Variants in RIT2 observed in about 807,000 individuals in gnomAD.
RIT2 encodes Ras like without CAAX 2.
A neutral mutation model predicts 23.7 loss-of-function variants in RIT2; 24 were observed. That is an observed-to-expected ratio of 1.01 (90% CI 0.73 to 1.43). RIT2 has a LOEUF of 1.43. Ranked by LOEUF, RIT2 falls within the 40% of genes most tolerant of loss-of-function variation. The pLI is 0.00. For missense variants in RIT2, 236 were observed against 266.9 expected (o/e 0.88, Z 0.81); for synonymous variants, 107 against 91.1 (o/e 1.17, Z -0.99).
intron 4 of RIT2, among the ~76,000 whole-genome samples, chr18:42,856,826 T>C (rs982527554): frequency 3.8e-5 from 5 of 132,146 alleles, no homozygotes; most frequent in Non-Finnish European, 7.6e-5. Flanking sequence ...TCTCTCTCTC[T>C]CTTTTTTTTT....
At chr18:42,744,261 CA>C (rs1912867521) in intron 4 of RIT2, among the ~76,000 whole-genome samples, 1 of 152,204 alleles carries the variant, frequency 6.6e-6, no homozygotes, top group African/African-American at 2.4e-5. Flanking sequence ...ATTGCTCACA[CA>C]AAGCCTGTTT....
intron 4 of RIT2, among the ~76,000 whole-genome samples, chr18:42,820,691 C>A (rs757230362): frequency 7.2e-5 from 11 of 152,146 alleles, no homozygotes; most frequent in Non-Finnish European, 1.3e-4. Flanking sequence ...CATTTCTTCT[C>A]TTTATCCTTT....
intron 1 of RIT2, among the ~76,000 whole-genome samples, chr18:43,111,911 A>G (rs1398195003): frequency 1.3e-5 from 2 of 152,080 alleles, no homozygotes; most frequent in Non-Finnish European, 2.9e-5. Flanking sequence ...CATTGTCCAA[A>G]TAATTCTTGT....
chr18:43,084,106 T>C lies in RIT2; in HGVS notation c.103+31311A>G, dbSNP rs182936103. On this transcript the variant is annotated intron_variant, in intron 1 of 4. Coordinates refer to ENST00000326695, the MANE Select transcript of RIT2 (RefSeq NM_002930.4). ...AACAGACATTTCTCAAAAAAAGACA[T>C]TTATGCAGTCAACACACATAGGAAA... 4.5e-3 allele frequency among the ~76,000 whole-genome samples: 687 copies of C among 152,246 alleles called. 9 individuals carry two copies. Among genetic ancestry groups the C allele is most frequent in the African/African-American group, 0.016 (646 of 41,532 alleles).
At chr18:42,909,961 G>A (rs1908724090) in intron 4 of RIT2, among the ~76,000 whole-genome samples, 1 of 152,062 alleles carries the variant, frequency 6.6e-6, no homozygotes, top group Non-Finnish European at 1.5e-5. Flanking sequence ...TGTATGCAAA[G>A]GAAATGATTG....
chr18:42,886,557 G>A (rs953409100), intron 4 of RIT2, among the ~76,000 whole-genome samples: 5 of 152,148 alleles, frequency 3.3e-5, no homozygotes, highest in Non-Finnish European at 4.4e-5. Context: ...TTATGCAAAC[G>A]GGTGTAAATC....
chr18:42,881,297 T>A (rs565945496), intron 4 of RIT2, among the ~76,000 whole-genome samples: 1 of 152,234 alleles, frequency 6.6e-6, no homozygotes, highest in Non-Finnish European at 1.5e-5. Flanking sequence ...TATTTTGCTA[T>A]CTCAATTTTT....
intron 4 of RIT2, among the ~76,000 whole-genome samples, chr18:42,767,458 C>G (rs1284365164): frequency 6.6e-6 from 1 of 152,176 alleles, no homozygotes; most frequent in East Asian, 1.9e-4. Flanking sequence ...CTGTATTTAC[C>G]AATACCTGTA....
Position 42,957,904 on chromosome 18 carries a change from G to T in RIT2, c.234+16170C>A, listed in dbSNP as rs1389091200. Among the ~76,000 whole-genome samples, 7 of 152,152 alleles carry T rather than the reference G, an allele frequency of 4.6e-5. 1 individual carries two copies. Among genetic ancestry groups the T allele is most frequent in the Non-Finnish European group, 2.9e-5 (2 of 68,032 alleles). On this transcript the variant is annotated intron_variant, in intron 3 of 4. Transcript: ENST00000326695. ...AACACAACTGACTCTTCATAAACCT[G>T]TCGGAGAGAGCTTCAGTTCAGGTAT...
At chr18:42,929,242 T>C (rs2144142375) in intron 3 of RIT2, among the ~76,000 whole-genome samples, 1 of 151,926 alleles carries the variant, frequency 6.6e-6, no homozygotes, top group East Asian at 1.9e-4. Context: ...TAAGCACTGA[T>C]TGCTGAAGGC....
chr18:42,979,156 T>G, intron 2 of RIT2, among the ~76,000 whole-genome samples: 1 of 152,126 alleles, frequency 6.6e-6, no homozygotes, highest in Non-Finnish European at 1.5e-5. Flanking sequence ...AGTTTTTGAT[T>G]AATTAAAAAG....
rs71175923 is a variant in RIT2 at position 42,780,047 on chromosome 18, G to GTTTTTTTTTTTTT, written c.427-36340_427-36328dup. 1.5e-4 allele frequency among the ~76,000 whole-genome samples: 9 copies of GTTTTTTTTTTTTT among 59,596 alleles called. 1 individual carries two copies. The highest frequency in any genetic ancestry group is 3.6e-4 in the African/African-American group (6 of 16,844). The allele number at this position is 59,596 out of a possible 152,430, so 39.1% of individuals were successfully genotyped here. A position where few individuals can be genotyped will look rare whatever the true frequency, so the allele number is the denominator to read the frequency against. ...TGCCTAGTCAAGTCTCAATTTAGAG[G>GTTTTTTTTTTTTT]TTTTTTTTTTTTTTTTTTTTTTTTT... On this transcript the variant is annotated intron_variant, in intron 4 of 4. Transcript: ENST00000326695.
chr18:42,897,898 G>T (rs1908373358), intron 4 of RIT2, among the ~76,000 whole-genome samples: 1 of 152,140 alleles, frequency 6.6e-6, no homozygotes. Context: ...ATAAATAAAT[G>T]CTTCAGTCTT....
intron 1 of RIT2, among the ~76,000 whole-genome samples, chr18:43,087,569 G>A (rs1913316154): frequency 6.6e-6 from 1 of 152,008 alleles, no homozygotes; most frequent in South Asian, 2.1e-4. Context: ...CTTCTCTCTG[G>A]TCCTACAGTA....
intron 3 of RIT2, among the ~76,000 whole-genome samples, chr18:42,967,914 G>C (rs1323687015): frequency 2.1e-4 from 32 of 151,622 alleles, no homozygotes; most frequent in Non-Finnish European, 8.8e-5. Flanking sequence ...TAAGTTGTCA[G>C]TTTATTCTAC....
At chr18:42,872,115 C>CAA (rs888420867) in intron 4 of RIT2, among the ~76,000 whole-genome samples, 4 of 149,946 alleles carry the variant, frequency 2.7e-5, no homozygotes, top group African/African-American at 9.8e-5. Flanking sequence ...AAGTAAAAAA[C>CAA]AAAAAAAAAT....
At chr18:42,914,525 A>G (rs1908851877) in intron 4 of RIT2, among the ~76,000 whole-genome samples, 1 of 152,134 alleles carries the variant, frequency 6.6e-6, no homozygotes, top group Admixed American at 6.6e-5. Flanking sequence ...GTGAAAAACA[A>G]TCTCAAAAGG....
chr18:43,115,349 T>C, intron 1 of RIT2, 68 bp downstream of exon 1: 1 of 1,581,248 alleles, frequency 6.3e-7, no homozygotes, highest in Non-Finnish European at 8.6e-7. Context: ...AATATCATTT[T>C]TCTTTCACTC....
intron 4 of RIT2, among the ~76,000 whole-genome samples, chr18:42,873,578 T>C (rs1015230299): frequency 6.6e-5 from 10 of 152,138 alleles, no homozygotes; most frequent in African/African-American, 1.7e-4. Flanking sequence ...TCTAGTAATT[T>C]TGTTCCCTTT....
Sources: gnomAD v4.1 joint callset for allele counts (sites outside exome capture counted in the v4.1 genomes callset) on GRCh38, gnomAD v4.1.1 for gene constraint, MANE v1.5 for transcripts, NCBI Gene and HGNC (gene_info 2026-07-23, HGNC 2026-07-21) for gene names.